Variants in RARB observed in about 807,000 individuals in gnomAD.
The protein encoded by RARB is retinoic acid receptor beta, also known as HBV-activated protein.
Under a neutral mutation model 51.9 loss-of-function variants are expected in RARB, and 17 were observed. The ratio of observed to expected loss-of-function variants is 0.33; its 90% confidence interval spans 0.22 to 0.49. The LOEUF (loss-of-function observed/expected upper bound fraction) is 0.49, where lower values mean the gene tolerates loss of function less well. Among genes scored for constraint, RARB ranks in the 20% least tolerant of loss-of-function variants. The pLI, the probability that RARB is intolerant of heterozygous loss-of-function variation, is 0.99. For synonymous variants in RARB, 215 were observed against 195.4 expected, an observed-to-expected ratio of 1.10 and a Z score of -0.84; for missense variants, 369 against 550.8, an observed-to-expected ratio of 0.67 and a Z score of 3.30.
chr3:25,373,652 G>T (rs1706370826), intron 5 of RARB, among the ~76,000 whole-genome samples: 2 of 152,110 alleles, frequency 1.3e-5, no homozygotes, highest in Admixed American at 6.6e-5. Context: ...CTTAAGATCT[G>T]TACTGTTGTG....
At chr3:25,344,422 A>C (rs376415227) in intron 5 of RARB, among the ~76,000 whole-genome samples, 3 of 152,224 alleles carry the variant, frequency 2.0e-5, no homozygotes, top group African/African-American at 7.2e-5. Flanking sequence ...GCTAATTAAC[A>C]AAATAACTTA....
chr3:25,234,720 C>T (rs917991567), intron 5 of RARB, among the ~76,000 whole-genome samples: 6 of 152,082 alleles, frequency 3.9e-5, no homozygotes, highest in Admixed American at 2.6e-4. Context: ...GGATTTCTCC[C>T]CTTAAACTCT....
chr3:25,452,473 T>G (rs1709237892), intron 1 of RARB, among the ~76,000 whole-genome samples: 1 of 152,162 alleles, frequency 6.6e-6, no homozygotes, highest in African/African-American at 2.4e-5. Flanking sequence ...AGGCCCAAAC[T>G]ATCTTGTCAA....
chr3:25,232,590 T>G (rs770393907), intron 5 of RARB, among the ~76,000 whole-genome samples: 2 of 152,154 alleles, frequency 1.3e-5, no homozygotes, highest in African/African-American at 2.4e-5. Context: ...GTCCATATAT[T>G]TTTTATATTT....
At position 25,417,306 on chromosome 3, in the gene RARB, G is replaced by C. The variant is rs569202500; in HGVS notation, c.179-43887G>C. 7.6e-4 allele frequency among the ~76,000 whole-genome samples: 116 copies of C among 152,086 alleles called. 3 individuals are homozygous for C. In the South Asian group the frequency reaches 0.023, roughly 31 times the overall value. On this transcript the variant is annotated intron_variant, in intron 5 of 11. Transcript: ENST00000383772. ...TCCCTGCCACTGACCAGTCCTCCCA[G>C]CAAGAAAGGAGAGAATAACCTGGCC...
intron 2 of RARB, among the ~76,000 whole-genome samples, chr3:25,492,982 CTTT>C (rs78647402): frequency 7.1e-6 from 1 of 140,238 alleles, no homozygotes; most frequent in Non-Finnish European, 1.6e-5. Flanking sequence ...GATTTATTAC[CTTT>C]TTTTTTTTTT....
At chr3:25,559,687 G>A (rs528233036) in intron 3 of RARB, among the ~76,000 whole-genome samples, 4 of 152,252 alleles carry the variant, frequency 2.6e-5, no homozygotes, top group South Asian at 2.1e-4. Flanking sequence ...TGGTTGGATC[G>A]ATGGATGGAT....
At chr3:25,037,920 G>A (rs567969738) in intron 2 of RARB, among the ~76,000 whole-genome samples, 1 of 152,230 alleles carries the variant, frequency 6.6e-6, no homozygotes, top group African/African-American at 2.4e-5. Context: ...AAAACCAGAA[G>A]AGAGAAAAAG....
chr3:24,903,804 T>A (rs574517918), intron 2 of RARB, among the ~76,000 whole-genome samples: 1 of 152,202 alleles, frequency 6.6e-6, no homozygotes, highest in Non-Finnish European at 1.5e-5. Context: ...GACTGAAATA[T>A]GTTCTCTATA....
chr3:25,202,351 G>C (rs1701415886), intron 5 of RARB, among the ~76,000 whole-genome samples: 1 of 151,678 alleles, frequency 6.6e-6, no homozygotes, highest in Non-Finnish European at 1.5e-5. Flanking sequence ...CTTCTTAGTG[G>C]TCTATCCATT....
intron 5 of RARB, among the ~76,000 whole-genome samples, chr3:25,588,470 G>T (rs551562592): frequency 2.0e-5 from 3 of 152,298 alleles, no homozygotes; most frequent in Non-Finnish European, 4.4e-5. Context: ...CTGTACTCGA[G>T]ATTTGTGTGC....
chr3:25,210,391 T>C (rs2125377621), intron 5 of RARB, among the ~76,000 whole-genome samples: 1 of 152,214 alleles, frequency 6.6e-6, no homozygotes, highest in East Asian at 1.9e-4. Context: ...GTATGCAGCC[T>C]ACTTGAGTGA....
chr3:25,597,233 A>T lies in RARB; in HGVS notation c.*617A>T, dbSNP rs1701874514. On this transcript the variant is annotated 3_prime_UTR_variant, in exon 8 of 8. Transcript: ENST00000330688. ...TCTTTGCTCTTTCTGATGCTCTCAA[A>T]CTGCATCTTTTATTTCATGTTGCCC... The T allele has an allele frequency of 6.6e-6, 1 of 152,594 alleles. No homozygotes were observed. Among genetic ancestry groups the T allele is most frequent in the Non-Finnish European group, 1.5e-5 (1 of 68,036 alleles). The allele number at this position is 152,594 out of a possible 1,614,324, so 9.5% of individuals were successfully genotyped here.
At chr3:25,265,075 T>C (rs759747052) in intron 5 of RARB, among the ~76,000 whole-genome samples, 1 of 152,200 alleles carries the variant, frequency 6.6e-6, no homozygotes, top group African/African-American at 2.4e-5. Context: ...GCCAATGCCT[T>C]GATCTTGGAC....
At chr3:25,098,233 AG>A (rs1699337330) in intron 3 of RARB, among the ~76,000 whole-genome samples, 2 of 152,230 alleles carry the variant, frequency 1.3e-5, no homozygotes, top group African/African-American at 4.8e-5. Flanking sequence ...GGCAGTGGAA[AG>A]GAGAGTTGAT....
intron 2 of RARB, among the ~76,000 whole-genome samples, chr3:24,909,141 G>C (rs1694936116): frequency 6.6e-6 from 1 of 152,104 alleles, no homozygotes; most frequent in African/African-American, 2.4e-5. Context: ...AAATCTCTGA[G>C]GTTAAAAGCA....
intron 5 of RARB, among the ~76,000 whole-genome samples, chr3:25,219,265 T>TAA (rs5847342): frequency 6.0e-4 from 90 of 148,936 alleles, no homozygotes; most frequent in Middle Eastern, 3.4e-3. Context: ...ACCTCTAGGT[T>TAA]AAAAAAAAAA....
intron 2 of RARB, among the ~76,000 whole-genome samples, chr3:24,917,209 T>A (rs151231596): frequency 6.6e-6 from 1 of 152,050 alleles, no homozygotes; most frequent in African/African-American, 2.4e-5. Flanking sequence ...CAAACCTAAA[T>A]GTAAGAGCTA....
chr3:25,258,189 T>C (rs1437703656), intron 5 of RARB, among the ~76,000 whole-genome samples: 1 of 152,104 alleles, frequency 6.6e-6, no homozygotes, highest in Non-Finnish European at 1.5e-5. Flanking sequence ...TGAGGTTCCC[T>C]TGAACTCAGT....
Sources: allele counts gnomAD v4.1 joint callset (sites outside exome capture counted in the v4.1 genomes callset), GRCh38; gene constraint gnomAD v4.1.1; transcripts MANE v1.5; gene names NCBI Gene and HGNC (gene_info 2026-07-23, HGNC 2026-07-21).